Variants in DNAI4 observed in about 807,000 individuals in gnomAD.
The protein encoded by DNAI4 is dynein axonemal intermediate chain 4.
Under a neutral mutation model 105.8 loss-of-function variants are expected in DNAI4, and 85 were observed. The observed-to-expected ratio is 0.80, with a 90% CI of 0.67 to 0.96. The LOEUF (loss-of-function observed/expected upper bound fraction) is 0.96. DNAI4 is among the 40% of genes least tolerant of loss of function. The probability of loss-of-function intolerance (pLI) is 0.00; values close to 1 mark genes in which losing one functional copy is unlikely to be tolerated. For missense variants in DNAI4, 1,014 were observed against 1,005.6 expected (o/e 1.01, Z -0.11); for synonymous variants, 352 against 331.5 (o/e 1.06, Z -0.67).
chr1:66,881,283 A>C (rs909429980), intron 4 of DNAI4, among the ~76,000 whole-genome samples: 1 of 152,116 alleles, frequency 6.6e-6, no homozygotes. Context: ...CATCCTCCAG[A>C]CCCCAGAATG....
intron 4 of DNAI4, among the ~76,000 whole-genome samples, chr1:66,885,796 T>C (rs1472356042): frequency 6.6e-6 from 1 of 152,226 alleles, no homozygotes; most frequent in Non-Finnish European, 1.5e-5. Context: ...TCTCTTTGTC[T>C]TTTGTTGTCT....
intron 1 of DNAI4, among the ~76,000 whole-genome samples, chr1:66,913,590 A>T (rs994448723): frequency 8.5e-5 from 13 of 152,166 alleles, no homozygotes; most frequent in African/African-American, 2.9e-4. Context: ...ATTAATTTTA[A>T]AAATGGCTTG....
At chr1:66,889,885 T>A (rs138299713) in intron 4 of DNAI4, among the ~76,000 whole-genome samples, 69 of 152,286 alleles carry the variant, frequency 4.5e-4, no homozygotes, top group Admixed American at 1.1e-3. Context: ...GATTCAAAAG[T>A]CAATAATGTT....
chr1:66,904,064 T>G (rs942809003), intron 2 of DNAI4, among the ~76,000 whole-genome samples: 1 of 151,944 alleles, frequency 6.6e-6, no homozygotes, highest in Non-Finnish European at 1.5e-5. Flanking sequence ...TGTATTCATA[T>G]ATATGTGTAT....
chr1:66,921,170 A>C (rs968458966), intron 1 of DNAI4: 1 of 152,268 alleles, frequency 6.6e-6, no homozygotes, highest in Non-Finnish European at 1.5e-5. Flanking sequence ...ATGTAAGCAG[A>C]GATAAAAACA....
chr1:66,872,573 C>G (rs1646869564), intron 5 of DNAI4, among the ~76,000 whole-genome samples: 1 of 151,922 alleles, frequency 6.6e-6, no homozygotes, highest in Non-Finnish European at 1.5e-5. Flanking sequence ...ATTACTATAC[C>G]TTCCTATCAT....
intron 1 of DNAI4, among the ~76,000 whole-genome samples, chr1:66,906,653 C>A (rs1262645243): frequency 6.6e-6 from 1 of 152,020 alleles, no homozygotes; most frequent in Non-Finnish European, 1.5e-5. Flanking sequence ...ACCATGGACA[C>A]TTAATAAATA....
chr1:66,878,691 C>T (rs1316520385), intron 4 of DNAI4, among the ~76,000 whole-genome samples: 1 of 152,106 alleles, frequency 6.6e-6, no homozygotes, highest in Admixed American at 6.5e-5. Context: ...ATAAATAATT[C>T]TAGCTTCCCT....
chr1:66,877,932 T>C (rs1207803961), intron 4 of DNAI4, among the ~76,000 whole-genome samples: 1 of 152,210 alleles, frequency 6.6e-6, no homozygotes, highest in African/African-American at 2.4e-5. Context: ...AGATACATGC[T>C]AACATCATAA....
intron 5 of DNAI4, 130 bp from the exon 6 acceptor site, chr1:66,871,639 C>CA: frequency 5.7e-6 from 5 of 883,856 alleles, no homozygotes; most frequent in Non-Finnish European, 8.3e-6. Context: ...AGTGAGACTT[C>CA]AAAAAAAGCC....
chr1:66,875,246 G>A (rs1646935815), intron 4 of DNAI4, among the ~76,000 whole-genome samples: 1 of 152,054 alleles, frequency 6.6e-6, no homozygotes, highest in Admixed American at 6.6e-5. Flanking sequence ...AGCAACTGTT[G>A]GTACTACTCA....
intron 3 of DNAI4, among the ~76,000 whole-genome samples, chr1:66,893,010 A>G (rs1557964827): frequency 1.5e-4 from 16 of 108,036 alleles, no homozygotes; most frequent in African/African-American, 5.4e-4. Flanking sequence ...AGAAAGAGAG[A>G]GAGGAAAGAA....
intron 8 of DNAI4, among the ~76,000 whole-genome samples, chr1:66,842,915 A>T (rs1210253105): frequency 6.6e-6 from 1 of 151,626 alleles, no homozygotes; most frequent in Non-Finnish European, 1.5e-5. Flanking sequence ...TGATATTGAA[A>T]GGTCAGGTGT....
At chr1:66,893,055 G>GAAAGAAAGAAAGAA (rs1226481232) in intron 3 of DNAI4, among the ~76,000 whole-genome samples, 174 bp downstream of exon 3, 5 of 80,714 alleles carry the variant, frequency 6.2e-5, no homozygotes, top group African/African-American at 2.7e-4. Flanking sequence ...AAGAAAGAAA[G>GAAAGAAAGAAAGAA]AGAGAGAGAG....
chr1:66,907,678 G>C (rs1649365185), intron 1 of DNAI4, among the ~76,000 whole-genome samples: 1 of 152,084 alleles, frequency 6.6e-6, no homozygotes, highest in African/African-American at 2.4e-5. Flanking sequence ...ATCTCTAATA[G>C]CTACTTCTGG....
At chr1:66,844,102 A>AAAAAAAAAAC (rs1557917531) in intron 8 of DNAI4, among the ~76,000 whole-genome samples, 4 of 146,834 alleles carry the variant, frequency 2.7e-5, no homozygotes, top group Admixed American at 7.0e-5. Context: ...AAAAAAAAAA[A>AAAAAAAAAAC]AAAAACTTTA....
intron 4 of DNAI4, among the ~76,000 whole-genome samples, chr1:66,887,262 C>A (rs146465610): frequency 2.0e-5 from 3 of 152,340 alleles, no homozygotes; most frequent in East Asian, 1.9e-4. Context: ...CTCTTGGGAA[C>A]TGTATTTCTC....
chr1:66,873,819 C>A lies in DNAI4; in HGVS notation c.800+962G>T, dbSNP rs376484704. On this transcript the variant is annotated intron_variant, in intron 5 of 16. Coordinates refer to ENST00000371026, the MANE Select transcript of DNAI4 (RefSeq NM_024763.5). ...CATTTCTCCCCTTCTGATTTCAAAG[C>A]AATTATCTGTCCCTTTCTTTTTTCC... Among the ~76,000 whole-genome samples the A allele has an allele frequency of 1.9e-4, 28 of 149,224 alleles. 2 individuals carry two copies. In the East Asian group the frequency reaches 3.2e-3, roughly 17 times the overall value.
intron 7 of DNAI4, among the ~76,000 whole-genome samples, chr1:66,858,551 T>C (rs55740272): frequency 8.6e-6 from 1 of 116,786 alleles, no homozygotes; most frequent in Non-Finnish European, 1.7e-5. Flanking sequence ...AAAAAAAAAA[T>C]GCAAAAATCC....
Sources: gnomAD v4.1 joint callset for allele counts (sites outside exome capture counted in the v4.1 genomes callset) on GRCh38, gnomAD v4.1.1 for gene constraint, MANE v1.5 for transcripts, NCBI Gene and HGNC (gene_info 2026-07-23, HGNC 2026-07-21) for gene names.